The following HS3ST4 variants were observed in gnomAD, a reference collection of about 807,000 sequenced individuals.
The protein encoded by HS3ST4 is heparan sulfate-glucosamine 3-sulfotransferase 4.
Under a neutral mutation model 29.2 loss-of-function variants are expected in HS3ST4, and 17 were observed. The observed-to-expected ratio is 0.58, with a 90% CI of 0.40 to 0.87. HS3ST4 has a LOEUF of 0.87. Ranked by LOEUF, HS3ST4 falls within the 40% of genes least tolerant of loss-of-function variation. The pLI is 0.00. For missense variants in HS3ST4, 627 were observed against 634.5 expected, an observed-to-expected ratio of 0.99 and a Z score of 0.13; for synonymous variants, 314 against 285.7, an observed-to-expected ratio of 1.10 and a Z score of -1.00.
intron 1 of HS3ST4, among the ~76,000 whole-genome samples, chr16:26,001,245 T>C (rs1486070166): frequency 7.2e-5 from 11 of 152,184 alleles, no homozygotes; most frequent in Non-Finnish European, 1.6e-4. Flanking sequence ...CATCTCATTC[T>C]TAGCAATACC....
intron 1 of HS3ST4, among the ~76,000 whole-genome samples, chr16:25,974,425 T>C (rs1376907304): frequency 1.3e-5 from 2 of 152,084 alleles, no homozygotes; most frequent in East Asian, 3.9e-4. Flanking sequence ...GTTTTGAAAA[T>C]TGTGTTGAAA....
At chr16:25,776,480 T>C (rs1272375841) in intron 1 of HS3ST4, among the ~76,000 whole-genome samples, 2 of 152,182 alleles carry the variant, frequency 1.3e-5, no homozygotes, top group Non-Finnish European at 2.9e-5. Context: ...ATCTTACATA[T>C]GTTGATTGAT....
chr16:26,035,919 A>C (rs751370520), intron 1 of HS3ST4, among the ~76,000 whole-genome samples: 1 of 152,266 alleles, frequency 6.6e-6, no homozygotes, highest in African/African-American at 2.4e-5. Flanking sequence ...CTATGAGTGC[A>C]GGAAGAGTCC....
At chr16:25,926,832 T>G (rs1189481704) in intron 1 of HS3ST4, among the ~76,000 whole-genome samples, 2 of 152,208 alleles carry the variant, frequency 1.3e-5, no homozygotes, top group Non-Finnish European at 2.9e-5. Context: ...GACCCATGCC[T>G]AATGGTTTTC....
Position 26,136,980 on chromosome 16 carries a change from C to T in HS3ST4, c.*732C>T, listed in dbSNP as rs1379878788. On this transcript the variant is annotated 3_prime_UTR_variant, in exon 2 of 2. Coordinates refer to ENST00000331351, the MANE Select transcript of HS3ST4 (RefSeq NM_006040.3). ...GTTGGGTCTCACTCTTCATGAGTAT[C>T]CTGGGTTGTGCAGAAGCTTAGCATA... is the stretch of plus-strand genomic sequence containing the variant. 1.3e-5 allele frequency: 2 copies of T among 152,348 alleles called. No homozygotes were observed. Among genetic ancestry groups the T allele is most frequent in the African/African-American group, 2.4e-5 (1 of 41,426 alleles). 9.4% of individuals were successfully genotyped at this position (152,348 alleles called of 1,614,324 possible). A position where few individuals can be genotyped will look rare whatever the true frequency, so the allele number is the denominator to read the frequency against.
chr16:25,873,278 TCATCCATCCATC>T (rs879378801), intron 1 of HS3ST4, among the ~76,000 whole-genome samples: 10 of 110,432 alleles, frequency 9.1e-5, no homozygotes, highest in Non-Finnish European at 1.3e-4. Flanking sequence ...ATTTGTCCAT[TCATCCATCCATC>T]CATCCATCCA....
intron 1 of HS3ST4, among the ~76,000 whole-genome samples, chr16:25,878,559 A>G (rs1004282519): frequency 6.6e-6 from 1 of 152,166 alleles, no homozygotes; most frequent in Non-Finnish European, 1.5e-5. Flanking sequence ...ACGTCACGCT[A>G]TGGACTAGTA....
chr16:26,092,451 G>T (rs576889176), intron 1 of HS3ST4, among the ~76,000 whole-genome samples: 2 of 152,174 alleles, frequency 1.3e-5, no homozygotes, highest in Non-Finnish European at 2.9e-5. Context: ...GATCTGGCAG[G>T]TGAGAGGCTC....
At chr16:26,127,529 T>C (rs1223829244) in intron 1 of HS3ST4, among the ~76,000 whole-genome samples, 1 of 152,220 alleles carries the variant, frequency 6.6e-6, no homozygotes, top group African/African-American at 2.4e-5. Context: ...TTTCTCCTCC[T>C]GAAATCACTG....
At chr16:25,992,899 G>A (rs570518960) in intron 1 of HS3ST4, among the ~76,000 whole-genome samples, 1 of 152,210 alleles carries the variant, frequency 6.6e-6, no homozygotes, top group Admixed American at 6.5e-5. Context: ...TGAGGGTGAA[G>A]CGATGCCAGA....
At chr16:25,842,858 C>T (rs895529233) in intron 1 of HS3ST4, among the ~76,000 whole-genome samples, 1 of 152,124 alleles carries the variant, frequency 6.6e-6, no homozygotes, top group African/African-American at 2.4e-5. Flanking sequence ...TTTTGACTCT[C>T]AAAAACCTTA....
At position 26,137,296 on chromosome 16, in the gene HS3ST4, G is replaced by A. The variant is rs1898297100; in HGVS notation, c.*1048G>A. ...AATCCTTAGCCATGTAATGGAGAAAGGAGCAGTCAGCATTCTTCCAATTTG... is the reference window on the plus strand; with the variant it reads ...AATCCTTAGCCATGTAATGGAGAAAAGAGCAGTCAGCATTCTTCCAATTTG... On this transcript the variant is annotated 3_prime_UTR_variant, in exon 2 of 2. Transcript: ENST00000331351. The A allele has an allele frequency of 6.6e-6, 1 of 152,144 alleles. No homozygotes were observed. Among genetic ancestry groups the A allele is most frequent in the East Asian group, 1.9e-4 (1 of 5,184 alleles). 9.4% of individuals were successfully genotyped at this position (152,144 alleles called of 1,614,324 possible). A position where few individuals can be genotyped will look rare whatever the true frequency, so the allele number is the denominator to read the frequency against.
intron 1 of HS3ST4, among the ~76,000 whole-genome samples, chr16:25,857,190 C>A (rs1244955212): frequency 1.3e-5 from 2 of 152,102 alleles, no homozygotes; most frequent in Non-Finnish European, 2.9e-5. Flanking sequence ...TCAGAATTAC[C>A]ATTTAAGTGT....
intron 1 of HS3ST4, among the ~76,000 whole-genome samples, chr16:25,884,862 A>T (rs1967933315): frequency 6.6e-6 from 1 of 152,178 alleles, no homozygotes; most frequent in African/African-American, 2.4e-5. Context: ...GGCGTCAACC[A>T]CTGCGCCCGG....
At position 25,692,498 on chromosome 16, in the gene HS3ST4, TA is replaced by T; in HGVS notation, c.83del (p.Lys28ArgfsTer122). On this transcript the variant is annotated frameshift_variant, in exon 1 of 2. Transcript: ENST00000331351. LOFTEE classifies it high-confidence loss of function. ...AAPPPPGASA[K>X]GPPARKLLFM... The stretch of plus-strand genomic sequence containing the variant: ...CGCCGCCGCCGCCCGGCGCCTCTGC[TA>T]AGGGGCCGCCGGCGCGCAAGCTGCT... 1 of 1,388,154 alleles carries T rather than the reference TA, an allele frequency of 7.2e-7. No individual in the cohort carries two copies. The allele number at this position is 1,388,154 out of a possible 1,614,324, so 86.0% of individuals were successfully genotyped here.
intron 1 of HS3ST4, among the ~76,000 whole-genome samples, chr16:26,037,846 A>G (rs1348900307): frequency 5.9e-5 from 9 of 152,152 alleles, no homozygotes; most frequent in Admixed American, 5.9e-4. Flanking sequence ...CTGTTTTCTC[A>G]GATCTGGTGA....
intron 1 of HS3ST4, among the ~76,000 whole-genome samples, chr16:25,725,175 T>C (rs1470846810): frequency 6.6e-6 from 1 of 152,124 alleles, no homozygotes; most frequent in South Asian, 2.1e-4. Flanking sequence ...TCTAAATGCA[T>C]GGGCATGCAG....
chr16:26,067,260 G>A (rs2141774382), intron 1 of HS3ST4, among the ~76,000 whole-genome samples: 1 of 152,272 alleles, frequency 6.6e-6, no homozygotes, highest in East Asian at 1.9e-4. Flanking sequence ...CAAAATAGCT[G>A]CTTCCAACCA....
At chr16:26,120,559 T>C (rs180952249) in intron 1 of HS3ST4, among the ~76,000 whole-genome samples, 1 of 152,296 alleles carries the variant, frequency 6.6e-6, no homozygotes, top group Non-Finnish European at 1.5e-5. Context: ...TAAATTTCAG[T>C]TGTAGCTAAA....
Sources: gnomAD v4.1 joint callset for allele counts (sites outside exome capture counted in the v4.1 genomes callset) on GRCh38, gnomAD v4.1.1 for gene constraint, MANE v1.5 for transcripts, NCBI Gene and HGNC (gene_info 2026-07-23, HGNC 2026-07-21) for gene names.